MAST4: variants seen among roughly 807,000 people sequenced by gnomAD.
MAST4 encodes microtubule-associated serine/threonine-protein kinase 4.
Under a neutral mutation model 162.7 loss-of-function variants are expected in MAST4, and 89 were observed. The ratio of observed to expected loss-of-function variants is 0.55; its 90% CI spans 0.46 to 0.65. The LOEUF (loss-of-function observed/expected upper bound fraction) is 0.65, where lower values mean the gene tolerates loss of function less well. MAST4 is among the 30% of genes least tolerant of loss of function. The probability of loss-of-function intolerance (pLI) is 0.00; values close to 1 mark genes in which losing one functional copy is unlikely to be tolerated. For missense variants in MAST4, 3,153 were observed against 3,374.0 expected (o/e 0.93, Z 1.62); for synonymous variants, 1,479 against 1,361.1 (o/e 1.09, Z -1.91).
At chr5:66,762,515 C>G (rs746060332) in intron 2 of MAST4, among the ~76,000 whole-genome samples, 2 of 152,152 alleles carry the variant, frequency 1.3e-5, no homozygotes, top group Non-Finnish European at 2.9e-5. Flanking sequence ...GACTGGCTTG[C>G]TACTTGGTGT....
intron 1 of MAST4, among the ~76,000 whole-genome samples, chr5:66,649,877 A>G (rs182088851): frequency 4.6e-5 from 7 of 152,284 alleles, no homozygotes; most frequent in Admixed American, 2.6e-4. Context: ...TCAGTTAGTC[A>G]ATACTGCCAT....
chr5:66,891,916 G>C (rs1447103395), intron 3 of MAST4, among the ~76,000 whole-genome samples: 1 of 152,214 alleles, frequency 6.6e-6, no homozygotes, highest in Admixed American at 6.5e-5. Context: ...TATTGTTTCA[G>C]AGATTTCACC....
intron 3 of MAST4, among the ~76,000 whole-genome samples, chr5:66,847,492 G>A (rs1022473255): frequency 6.6e-6 from 1 of 152,172 alleles, no homozygotes; most frequent in Admixed American, 6.5e-5. Flanking sequence ...AAATTAGCCA[G>A]GCGTGGTAGT....
intron 5 of MAST4, among the ~76,000 whole-genome samples, chr5:67,062,996 T>C (rs1398409446): frequency 1.3e-5 from 2 of 152,234 alleles, no homozygotes; most frequent in Non-Finnish European, 2.9e-5. Context: ...TGGAATCATC[T>C]AATTTTATTA....
In MAST4 at chr5:67,168,495, G is replaced by C. The variant is rs1198676098; in HGVS notation, c.*1444G>C. On this transcript the variant is annotated 3_prime_UTR_variant, in exon 29 of 29. Transcript: ENST00000403625. ...TTGTCAAATCATTTTAGTGCTGAAG[G>C]TTTTTGATTTCTTGTTTTTGTTTCT... The C allele has an allele frequency of 2.0e-5, 3 of 152,092 alleles. No homozygotes were observed. The highest frequency in any genetic ancestry group is 4.4e-5 in the Non-Finnish European group (3 of 68,014). 9.4% of individuals were successfully genotyped at this position (152,092 alleles called of 1,614,324 possible).
intron 23 of MAST4, among the ~76,000 whole-genome samples, chr5:67,146,074 C>T (rs1771048634): frequency 6.6e-6 from 1 of 152,222 alleles, no homozygotes; most frequent in East Asian, 1.9e-4. Context: ...CCACTGAAGA[C>T]AAAAGTTACC....
intron 4 of MAST4, among the ~76,000 whole-genome samples, chr5:67,009,558 T>C (rs1196311467): frequency 6.6e-6 from 1 of 152,242 alleles, no homozygotes; most frequent in African/African-American, 2.4e-5. Context: ...ATTTATCTTA[T>C]AGGATTGTTG....
At chr5:66,813,688 C>G (rs1270208226) in intron 3 of MAST4, among the ~76,000 whole-genome samples, 1 of 152,176 alleles carries the variant, frequency 6.6e-6, no homozygotes, top group Non-Finnish European at 1.5e-5. Flanking sequence ...TATAAAACTG[C>G]TAATTACATG....
chr5:67,153,015 G>A (rs758481247), intron 25 of MAST4, 149 bp downstream of exon 25: 45 of 656,158 alleles, frequency 6.9e-5, no homozygotes, highest in Non-Finnish European at 1.0e-4. Context: ...ATCCCTGTAT[G>A]TGTATGGTGG....
At position 66,907,158 on chromosome 5, in the gene MAST4, C is replaced by CAAGAGAGAGAGA. The variant is rs1554066737; in HGVS notation, c.674+7176_674+7177insAAGAGAGAGAGA. On this transcript the variant is annotated intron_variant, in intron 4 of 28. Coordinates refer to ENST00000403625, the MANE Select transcript of MAST4 (RefSeq NM_001164664.2). ...AAAGGAAAAATAACTCTCAGCAAAGCGAGAGAGAGAGAGAGAGAGAGAGAG... is the reference window on the plus strand; with the variant it reads ...AAAGGAAAAATAACTCTCAGCAAAGCAAGAGAGAGAGAGAGAGAGAGAGAGAGAGAGAGAGAG... Among the ~76,000 whole-genome samples the CAAGAGAGAGAGA allele has an allele frequency of 8.6e-4, 90 of 104,354 alleles. 1 individual carries two copies. The Middle Eastern group carries it at 0.014, about 16-fold the overall frequency. The allele number at this position is 104,354 out of a possible 152,430, so 68.5% of individuals were successfully genotyped here.
In MAST4 at chr5:67,104,471, A is replaced by G. The variant is rs749644605; in HGVS notation, c.1252A>G (p.Ile418Val). ...DGVLSFTHHQ[I>V]IELARDCLDK... The stretch of plus-strand genomic sequence containing the variant: ...AGTGCTTAGTTTCACTCACCACCAG[A>G]TTATTGAACTGGCTCGAGATTGCTT... Residue 418 changes from isoleucine (I) to valine (V), a missense_variant, in exon 10 of 29, where the codon ATT becomes GTT. By Grantham distance (29) the Ile-to-Val change is conservative. Coordinates refer to ENST00000403625, the MANE Select transcript of MAST4 (RefSeq NM_001164664.2). The G allele has an allele frequency of 4.3e-6, 7 of 1,613,886 alleles. No homozygotes were observed. Among genetic ancestry groups the G allele is most frequent in the Non-Finnish European group, 5.9e-6 (7 of 1,179,784 alleles).
chr5:66,950,902 A>G (rs1053493093), intron 4 of MAST4, among the ~76,000 whole-genome samples: 25 of 152,284 alleles, frequency 1.6e-4, no homozygotes, highest in Non-Finnish European at 3.4e-4. Context: ...TTCCGCAGTT[A>G]TACTTCCTTT....
intron 1 of MAST4, among the ~76,000 whole-genome samples, chr5:66,731,728 C>T (rs1348324622): frequency 6.6e-6 from 1 of 151,946 alleles, no homozygotes; most frequent in Non-Finnish European, 1.5e-5. Context: ...TATATTGCAA[C>T]CCCCAAACTG....
At chr5:67,027,401 A>G (rs1754791228) in intron 4 of MAST4, among the ~76,000 whole-genome samples, 1 of 152,170 alleles carries the variant, frequency 6.6e-6, no homozygotes. Flanking sequence ...ATGAACGTAA[A>G]TACACGTTGT....
intron 4 of MAST4, among the ~76,000 whole-genome samples, chr5:66,948,770 C>G (rs549819414): frequency 6.6e-6 from 1 of 152,112 alleles, no homozygotes; most frequent in Non-Finnish European, 1.5e-5. Context: ...GAATTTAACA[C>G]CCCTTGTGAC....
intron 1 of MAST4, among the ~76,000 whole-genome samples, chr5:66,686,179 A>G (rs1748643987): frequency 6.6e-6 from 1 of 152,164 alleles, no homozygotes; most frequent in Non-Finnish European, 1.5e-5. Flanking sequence ...TTAGGGTAAT[A>G]TTAACCTCTC....
intron 27 of MAST4, among the ~76,000 whole-genome samples, chr5:67,160,996 C>A (rs1396105488): frequency 6.6e-6 from 1 of 152,176 alleles, no homozygotes; most frequent in Non-Finnish European, 1.5e-5. Context: ...GCCAGATATT[C>A]TAAAATTACT....
intron 1 of MAST4, among the ~76,000 whole-genome samples, chr5:66,749,554 T>A (rs768067896): frequency 6.6e-6 from 1 of 152,228 alleles, no homozygotes; most frequent in African/African-American, 2.4e-5. Context: ...TTGATGATGA[T>A]GTACACTCAC....
chr5:67,121,601 C>T (rs546474739), intron 14 of MAST4, among the ~76,000 whole-genome samples: 27 of 151,348 alleles, frequency 1.8e-4, no homozygotes, highest in African/African-American at 6.3e-4. Flanking sequence ...CGTTTGTCTT[C>T]CCTGGGCCAC....
Sources: allele counts gnomAD v4.1 joint callset (sites outside exome capture counted in the v4.1 genomes callset), GRCh38; gene constraint gnomAD v4.1.1; transcripts MANE v1.5; gene names NCBI Gene and HGNC (gene_info 2026-07-23, HGNC 2026-07-21).